Variants in E2F2 observed in about 807,000 individuals in gnomAD.
E2F2 encodes the protein E2F transcription factor 2, also known as transcription factor E2F2.
Under a neutral mutation model 42.2 loss-of-function variants are expected in E2F2, and 22 were observed. That is an observed-to-expected ratio of 0.52 (90% CI 0.37 to 0.74). E2F2 has a LOEUF of 0.74. Ranked by LOEUF, E2F2 falls within the 30% of genes least tolerant of loss-of-function variation. The pLI, the probability that E2F2 is intolerant of heterozygous loss-of-function variation, is 0.00. For missense variants in E2F2, 481 were observed against 557.8 expected (o/e 0.86, Z 1.39); for synonymous variants, 248 against 251.6 (o/e 0.99, Z 0.13).
At chr1:23,514,822 C>A (rs577681860) in intron 6 of E2F2, among the ~76,000 whole-genome samples, 2 of 123,918 alleles carry the variant, frequency 1.6e-5, no homozygotes, top group South Asian at 5.0e-4. Flanking sequence ...GGTGACGGAG[C>A]GAGACTGTCT....
chr1:23,526,959 G>A (rs1383708589), intron 1 of E2F2, among the ~76,000 whole-genome samples: 3 of 152,036 alleles, frequency 2.0e-5, no homozygotes, highest in East Asian at 1.9e-4. Flanking sequence ...TCCCCCTAAG[G>A]ATACCTCCCT....
At chr1:23,524,913 G>A (rs1643224889) in intron 1 of E2F2, among the ~76,000 whole-genome samples, 1 of 152,196 alleles carries the variant, frequency 6.6e-6, no homozygotes, top group Admixed American at 6.5e-5. Context: ...GAAGCAGCTG[G>A]CCCAGCTAGA....
At chr1:23,517,897 C>T (rs1558243964) in intron 5 of E2F2, among the ~76,000 whole-genome samples, 3 of 152,142 alleles carry the variant, frequency 2.0e-5, no homozygotes. Flanking sequence ...CGGCTAGGTG[C>T]GGTGGTTCAC....
chr1:23,515,677 C>T (rs1382669016), intron 6 of E2F2, among the ~76,000 whole-genome samples: 1 of 151,304 alleles, frequency 6.6e-6, no homozygotes, highest in Non-Finnish European at 1.5e-5. Context: ...GGGACCACAG[C>T]GCCTGGCCTA....
At chr1:23,505,342 G>A (rs1449079532), downstream of E2F2, among the ~76,000 whole-genome samples, 1 of 152,196 alleles carries the variant, frequency 6.6e-6, no homozygotes, top group Non-Finnish European at 1.5e-5. Context: ...GATCTTTCTG[G>A]GGATCGCTTC....
intron 2 of E2F2, among the ~76,000 whole-genome samples, chr1:23,524,018 G>C (rs1351392154): frequency 6.6e-6 from 1 of 151,292 alleles, no homozygotes; most frequent in Admixed American, 6.6e-5. Flanking sequence ...AGGTTGCAGG[G>C]AGCCAAGATG....
intron 2 of E2F2, 25 bp downstream of exon 2, chr1:23,524,358 C>T (rs751934292): frequency 6.4e-7 from 1 of 1,570,402 alleles, no homozygotes. Context: ...CACCCCACCC[C>T]AGAGGCCCCA....
Position 23,510,081 on chromosome 1 carries a change from A to G in E2F2, c.1113T>C (p.Thr371=), listed in dbSNP as rs369246681. The part of the protein sequence containing the change: ...PPPSLVPLEA[T]DSLLELPHPL... ...GGTGCGGCAGCTCCAGCAGGCTGTCAGTAGCCTCCAAGGGGACCAGGGATG... is the reference window on the plus strand; with the variant it reads ...GGTGCGGCAGCTCCAGCAGGCTGTCGGTAGCCTCCAAGGGGACCAGGGATG... Residue 371 remains threonine (T), a synonymous_variant, in exon 7 of 7, where the codon ACT becomes ACC. Coordinates refer to ENST00000361729, the MANE Select transcript of E2F2 (RefSeq NM_004091.4). 1.5e-5 allele frequency: 24 copies of G among 1,607,988 alleles called. No individual in the cohort carries two copies. The highest frequency in any genetic ancestry group is 2.0e-5 in the Non-Finnish European group (23 of 1,178,038).
chr1:23,521,139 T>C, intron 3 of E2F2, 68 bp from the exon 4 acceptor site: 2 of 1,465,266 alleles, frequency 1.4e-6, no homozygotes, highest in Non-Finnish European at 1.8e-6. Context: ...ATTCAAAAAA[T>C]AGTCTATGAG....
chr1:23,516,176 C>G (rs1259725811), intron 6 of E2F2, among the ~76,000 whole-genome samples, 159 bp downstream of exon 6: 1 of 152,178 alleles, frequency 6.6e-6, no homozygotes, highest in Non-Finnish European at 1.5e-5. Flanking sequence ...CCTAGTGAGG[C>G]TTTATAAAGC....
At chr1:23,521,719 C>T in intron 3 of E2F2, 118 bp downstream of exon 3, 3 of 1,504,280 alleles carry the variant, frequency 2.0e-6, no homozygotes, top group Non-Finnish European at 2.7e-6. Context: ...GCCCTTGTGC[C>T]CATTGGATGT....
At chr1:23,520,828 G>T in intron 4 of E2F2, 85 bp downstream of exon 4, 1 of 1,343,356 alleles carries the variant, frequency 7.4e-7, no homozygotes, top group Non-Finnish European at 9.7e-7. Context: ...GACCCTTAGG[G>T]TAAGTTACTG....
Position 23,530,903 on chromosome 1 carries a change from G to A in E2F2, c.-110C>T. 7.3e-7 allele frequency: 1 copy of A among 1,366,554 alleles called. No individual in the cohort carries two copies. The highest frequency in any genetic ancestry group is 1.6e-5 in the South Asian group (1 of 60,936). 84.7% of individuals were successfully genotyped at this position (1,366,554 alleles called of 1,614,324 possible). ...CCGCGGCATGGCGCGGAGGCCGGGG[G>A]AAGCCGCCAATGGACGCCTGCGGGG... On this transcript the variant is annotated 5_prime_UTR_variant, in exon 1 of 7. Transcript: ENST00000361729. The surrounding 1 kb of genome is among the most constrained non-coding windows in gnomAD (Gnocchi z 4.4).
chr1:23,524,577 C>T, intron 1 of E2F2, 89 bp from the exon 2 acceptor site: 1 of 1,167,380 alleles, frequency 8.6e-7, no homozygotes, highest in Non-Finnish European at 1.2e-6. Context: ...AATGAAGCCA[C>T]TTAGCAGCCA....
chr1:23,525,559 G>A (rs1643237245), intron 1 of E2F2, among the ~76,000 whole-genome samples: 1 of 152,174 alleles, frequency 6.6e-6, no homozygotes, highest in South Asian at 2.1e-4. Context: ...TTCAAGGAAG[G>A]CACTACCTGG....
chr1:23,517,495 A>C (rs555841120), intron 5 of E2F2, among the ~76,000 whole-genome samples: 11 of 152,306 alleles, frequency 7.2e-5, no homozygotes, highest in African/African-American at 2.4e-4. Context: ...TTTCCCACTA[A>C]GTCGTGAACT....
In E2F2 at chr1:23,517,915, A is replaced by G. The variant is rs142023382; in HGVS notation, c.852+1101T>C. ...CTAGGTGCGGTGGTTCACGCCTATA[A>G]TCCCAGCACTTTGGGAGGCCAAGGC... On this transcript the variant is annotated intron_variant, in intron 5 of 6. Transcript: ENST00000361729. Among the ~76,000 whole-genome samples the G allele has an allele frequency of 1.3e-4, 20 of 152,314 alleles. No individual in the cohort carries two copies. The South Asian group carries it at 1.9e-3, about 14-fold the overall frequency.
At chr1:23,520,587 TAAAG>T (rs1643121389) in intron 4 of E2F2, among the ~76,000 whole-genome samples, 1 of 149,396 alleles carries the variant, frequency 6.7e-6, no homozygotes, top group Non-Finnish European at 1.5e-5. Context: ...ATACAAAAAA[TAAAG>T]AATTAGCCAG....
chr1:23,511,068 C>G (rs3218203), intron 6 of E2F2, among the ~76,000 whole-genome samples: 28,898 of 151,936 alleles, frequency 0.19, 2,899 homozygotes, highest in African/African-American at 0.23. Flanking sequence ...CTCCACTTCC[C>G]TATTACTATT....
Sources: gnomAD v4.1 joint callset for allele counts (sites outside exome capture counted in the v4.1 genomes callset) on GRCh38, gnomAD v4.1.1 for gene constraint, Gnocchi (gnomAD v3.1) non-coding constraint, MANE v1.5 for transcripts, NCBI Gene and HGNC (gene_info 2026-07-23, HGNC 2026-07-21) for gene names.